WDPCP: variants seen among roughly 807,000 people sequenced by gnomAD.
WDPCP encodes the protein WD repeat containing planar cell polarity effector.
A neutral mutation model predicts 93.1 loss-of-function variants in WDPCP; 71 were observed. That is an observed-to-expected ratio of 0.76 (90% CI 0.63 to 0.93). The LOEUF is 0.93. Among genes scored for constraint, WDPCP ranks in the 40% least tolerant of loss-of-function variants. The pLI, the probability that WDPCP is intolerant of heterozygous loss-of-function variation, is 0.00. For missense variants in WDPCP, 844 were observed against 887.4 expected (o/e 0.95, Z 0.62); for synonymous variants, 315 against 315.0 (o/e 1.00, Z 0.00).
chr2:63,824,558 A>AC (rs1368766420), intron 1 of WDPCP, among the ~76,000 whole-genome samples: 45 of 142,528 alleles, frequency 3.2e-4, no homozygotes, highest in African/African-American at 1.1e-3. Flanking sequence ...AAAAAAAAAA[A>AC]AAAAACAGGA....
intron 17 of WDPCP, among the ~76,000 whole-genome samples, chr2:63,135,457 G>A (rs573938632): frequency 6.6e-6 from 1 of 152,152 alleles, no homozygotes; most frequent in South Asian, 2.1e-4. Flanking sequence ...TCAGCCTTCC[G>A]AGGAGCTGGG....
intron 6 of WDPCP, chr2:63,442,662 T>C (rs558679409): frequency 6.6e-6 from 1 of 152,344 alleles, no homozygotes; most frequent in African/African-American, 2.4e-5. Context: ...GCCTCTCCCA[T>C]TGGCTATGAT....
chr2:63,500,456 T>G (rs543050810), intron 1 of WDPCP, among the ~76,000 whole-genome samples: 70 of 149,642 alleles, frequency 4.7e-4, no homozygotes, highest in Non-Finnish European at 9.1e-4. Flanking sequence ...GGTGTGGGGG[T>G]GTGTGTGTGT....
At chr2:63,364,255 T>C (rs1690716923) in intron 12 of WDPCP, among the ~76,000 whole-genome samples, 3 of 152,208 alleles carry the variant, frequency 2.0e-5, no homozygotes, top group Non-Finnish European at 4.4e-5. Flanking sequence ...AAGACTTACA[T>C]GATTGAGAAT....
At chr2:63,161,496 A>G (rs991855755) in intron 15 of WDPCP, among the ~76,000 whole-genome samples, 3 of 152,314 alleles carry the variant, frequency 2.0e-5, no homozygotes, top group East Asian at 1.9e-4. Context: ...TGCAATGGCA[A>G]TATTTCATGA....
intron 13 of WDPCP, among the ~76,000 whole-genome samples, chr2:63,267,556 T>C (rs886587273): frequency 6.6e-6 from 1 of 152,220 alleles, no homozygotes; most frequent in Admixed American, 6.5e-5. Context: ...AAACCATGTA[T>C]TGGGAGAAAA....
intron 10 of WDPCP, among the ~76,000 whole-genome samples, chr2:63,387,177 C>CA (rs1692802903): frequency 6.6e-6 from 1 of 151,656 alleles, no homozygotes; most frequent in Admixed American, 6.6e-5. Flanking sequence ...AGAGAGACAA[C>CA]AAAAAAAGGA....
intron 14 of WDPCP, among the ~76,000 whole-genome samples, chr2:63,202,436 T>C (rs1447763793): frequency 1.3e-5 from 2 of 152,150 alleles, no homozygotes; most frequent in Non-Finnish European, 2.9e-5. Context: ...ATATCCTCCA[T>C]TATCAGAATT....
At chr2:63,246,765 A>G (rs903887136) in intron 14 of WDPCP, among the ~76,000 whole-genome samples, 4 of 152,192 alleles carry the variant, frequency 2.6e-5, no homozygotes, top group African/African-American at 9.6e-5. Flanking sequence ...ACCTCCTTAC[A>G]TATGCAACAA....
intron 2 of WDPCP, among the ~76,000 whole-genome samples, chr2:63,723,838 T>C (rs567830438): frequency 6.6e-5 from 10 of 152,188 alleles, no homozygotes; most frequent in African/African-American, 2.4e-4. Flanking sequence ...AGAAGAAAAA[T>C]TTCCCATAAC....
intron 17 of WDPCP, among the ~76,000 whole-genome samples, chr2:63,131,137 T>C (rs901200202): frequency 1.3e-5 from 2 of 152,206 alleles, no homozygotes; most frequent in African/African-American, 4.8e-5. Flanking sequence ...AAAAATCCAT[T>C]CAGTCAATAT....
intron 6 of WDPCP, among the ~76,000 whole-genome samples, chr2:63,453,055 G>A (rs377419562): frequency 7.9e-5 from 12 of 152,000 alleles, no homozygotes; most frequent in Admixed American, 1.3e-4. Context: ...TGTCTAAAAC[G>A]CCAAAAGCAA....
At chr2:63,216,240 A>G (rs928141336) in intron 14 of WDPCP, among the ~76,000 whole-genome samples, 3 of 152,232 alleles carry the variant, frequency 2.0e-5, no homozygotes, top group African/African-American at 7.2e-5. Flanking sequence ...TCATGCTGCT[A>G]TAAAGACACA....
intron 15 of WDPCP, among the ~76,000 whole-genome samples, chr2:63,161,127 A>G (rs1672612439): frequency 6.6e-6 from 1 of 152,224 alleles, no homozygotes; most frequent in Admixed American, 6.5e-5. Context: ...TAAGGAAAAT[A>G]CTACATGATG....
intron 2 of WDPCP, among the ~76,000 whole-genome samples, chr2:63,792,489 G>A (rs1270368131): frequency 6.6e-6 from 1 of 152,108 alleles, no homozygotes; most frequent in East Asian, 1.9e-4. Context: ...TGGGGACACA[G>A]CCAAACCATA....
intron 2 of WDPCP, chr2:63,717,324 GA>G: frequency 3.9e-6 from 2 of 515,672 alleles, no homozygotes. Context: ...CTGTGAACAT[GA>G]AAAATGATGG....
upstream of WDPCP, among the ~76,000 whole-genome samples, chr2:63,592,084 G>T (rs569995975): frequency 1.3e-5 from 2 of 152,040 alleles, no homozygotes; most frequent in African/African-American, 4.8e-5. Flanking sequence ...TTAGAAAATT[G>T]GTGTATCCTT....
At chr2:63,833,640 T>C in the WDPCP span, among the ~76,000 whole-genome samples, 1 of 152,224 alleles carries the variant, frequency 6.6e-6, no homozygotes, top group Non-Finnish European at 1.5e-5. Flanking sequence ...ATATCATCTA[T>C]AATGTTGAGG....
At chr2:63,586,437 T>C (rs1474714514) in intron 1 of WDPCP, among the ~76,000 whole-genome samples, 2 of 152,176 alleles carry the variant, frequency 1.3e-5, no homozygotes, top group East Asian at 3.8e-4. Context: ...ACAAACCACC[T>C]GGAGATTCAA....
Sources: allele counts gnomAD v4.1 joint callset (sites outside exome capture counted in the v4.1 genomes callset), GRCh38; gene constraint gnomAD v4.1.1; transcripts MANE v1.5; gene names NCBI Gene and HGNC (gene_info 2026-07-23, HGNC 2026-07-21).